The following MYO6 variants were observed in gnomAD, a reference collection of about 807,000 sequenced individuals.
MYO6 encodes the protein unconventional myosin-VI.
A neutral mutation model predicts 178.7 loss-of-function variants in MYO6; 74 were observed. The ratio of observed to expected loss-of-function variants is 0.41; its 90% confidence interval spans 0.34 to 0.50. The LOEUF (loss-of-function observed/expected upper bound fraction) is 0.50. MYO6 is among the 20% of genes least tolerant of loss of function. MYO6 has a pLI of 0.09. For synonymous variants in MYO6, 477 were observed against 504.6 expected (o/e 0.95, Z 0.73); for missense variants, 1,330 against 1,547.4 (o/e 0.86, Z 2.36).
intron 23 of MYO6, among the ~76,000 whole-genome samples, chr6:75,885,189 A>T (rs1778334271): frequency 6.6e-6 from 1 of 152,176 alleles, no homozygotes; most frequent in Non-Finnish European, 1.5e-5. Context: ...CAAAGGCAAA[A>T]TTACATCTTT....
At chr6:75,903,362 A>T (rs1779983686) in intron 30 of MYO6, among the ~76,000 whole-genome samples, 1 of 151,824 alleles carries the variant, frequency 6.6e-6, no homozygotes, top group African/African-American at 2.4e-5. Context: ...TGGGAGTCTA[A>T]GTCTCTTTGT....
At chr6:75,896,069 A>G (rs904756258) in intron 29 of MYO6, among the ~76,000 whole-genome samples, 23 of 152,284 alleles carry the variant, frequency 1.5e-4, no homozygotes, top group African/African-American at 5.5e-4. Flanking sequence ...TATAAAATAT[A>G]AAACATATTT....
chr6:75,909,716 A>C (rs1341276855), intron 32 of MYO6, among the ~76,000 whole-genome samples: 2 of 152,250 alleles, frequency 1.3e-5, no homozygotes, highest in Non-Finnish European at 2.9e-5. Context: ...ATTCTGGTTA[A>C]CATCAAGGTG....
At chr6:75,817,105 A>C (rs1404980538) in intron 1 of MYO6, among the ~76,000 whole-genome samples, 1 of 152,144 alleles carries the variant, frequency 6.6e-6, no homozygotes, top group Admixed American at 6.5e-5. Flanking sequence ...GGAGATCGAG[A>C]CCATCCTGGC....
At chr6:75,770,876 A>G (rs891508537) in intron 1 of MYO6, among the ~76,000 whole-genome samples, 1 of 152,080 alleles carries the variant, frequency 6.6e-6, no homozygotes. Flanking sequence ...TTGATGTCAC[A>G]TTGGCAATTT....
At chr6:75,881,581 C>A in intron 22 of MYO6, 108 bp from the exon 23 acceptor site, 3 of 1,126,520 alleles carry the variant, frequency 2.7e-6, no homozygotes, top group Non-Finnish European at 3.9e-6. Context: ...GACATGTGAC[C>A]ATTTTCAGAC....
At chr6:75,779,265 G>A (rs1766718943) in intron 1 of MYO6, among the ~76,000 whole-genome samples, 1 of 151,980 alleles carries the variant, frequency 6.6e-6, no homozygotes, top group Admixed American at 6.6e-5. Context: ...ACTTTGGGAC[G>A]CCGAGGTGGT....
chr6:75,861,267 T>A (rs1776195356), intron 15 of MYO6, among the ~76,000 whole-genome samples, 172 bp downstream of exon 15: 1 of 152,230 alleles, frequency 6.6e-6, no homozygotes, highest in African/African-American at 2.4e-5. Flanking sequence ...CACCAAGACT[T>A]CAAAGGTATC....
chr6:75,826,088 T>TA (rs1242131253), intron 3 of MYO6, among the ~76,000 whole-genome samples: 3 of 152,138 alleles, frequency 2.0e-5, no homozygotes, highest in African/African-American at 7.2e-5. Context: ...AGGAAGGAAT[T>TA]ATTTGGTAGA....
chr6:75,863,397 T>G (rs971771711), intron 16 of MYO6, among the ~76,000 whole-genome samples: 3 of 151,906 alleles, frequency 2.0e-5, no homozygotes, highest in African/African-American at 7.3e-5. Context: ...AATAGAGAGA[T>G]TAGGTAGAGT....
intron 1 of MYO6, among the ~76,000 whole-genome samples, chr6:75,758,333 A>G (rs934175205): frequency 1.3e-5 from 2 of 152,106 alleles, no homozygotes; most frequent in African/African-American, 4.8e-5. Context: ...GGGAAGTGAA[A>G]TATGTTACCA....
chr6:75,880,746 T>C (rs2149345255), intron 22 of MYO6, among the ~76,000 whole-genome samples: 1 of 152,354 alleles, frequency 6.6e-6, no homozygotes. Context: ...ATGTTACCTT[T>C]AATTTAATTT....
intron 1 of MYO6, among the ~76,000 whole-genome samples, chr6:75,813,000 G>A (rs1402607230): frequency 6.6e-6 from 1 of 152,106 alleles, no homozygotes; most frequent in African/African-American, 2.4e-5. Context: ...TATATTTTTA[G>A]TTTTTTAAGG....
chr6:75,777,005 C>T (rs976691329), intron 1 of MYO6, among the ~76,000 whole-genome samples: 29 of 151,974 alleles, frequency 1.9e-4, no homozygotes, highest in African/African-American at 5.6e-4. Flanking sequence ...TTTTTTTAAT[C>T]GATAGGTATT....
rs201247065 is a variant in MYO6 at position 75,901,651 on chromosome 6, A to G, written c.3176+3240A>G. 0.013 allele frequency among the ~76,000 whole-genome samples: 1,987 copies of G among 152,266 alleles called. 71 individuals are homozygous for G. In the East Asian group the frequency reaches 0.15, roughly 11 times the overall value. On this transcript the variant is annotated intron_variant, in intron 30 of 34. Coordinates refer to ENST00000369977, the MANE Select transcript of MYO6 (RefSeq NM_004999.4). ...TGAGACAATGGGGTTTTCTAGATAT[A>G]CAATCATGTCGTCTGCAAACAGGGA...
chr6:75,892,023 T>C (rs1025111229), intron 27 of MYO6, among the ~76,000 whole-genome samples: 1 of 152,182 alleles, frequency 6.6e-6, no homozygotes, highest in Non-Finnish European at 1.5e-5. Context: ...AAATGTTAAG[T>C]TTTAAAATAT....
In MYO6 at chr6:75,919,504, T is replaced by C. The variant is rs564119522; in HGVS notation, c.*4492T>C. 11 of 152,760 alleles carry C rather than the reference T, an allele frequency of 7.2e-5. No homozygotes were observed. Among genetic ancestry groups the C allele is most frequent in the African/African-American group, 2.6e-4 (11 of 41,578 alleles). The allele number at this position is 152,760 out of a possible 1,614,324, so 9.5% of individuals were successfully genotyped here. ...TCTCTAAAAATTGATGTACTGGAAA[T>C]ACAAATAAATAAATGCTCCCTGTGT... On this transcript the variant is annotated 3_prime_UTR_variant, in exon 35 of 35. Coordinates refer to ENST00000369977, the MANE Select transcript of MYO6 (RefSeq NM_004999.4).
intron 23 of MYO6, among the ~76,000 whole-genome samples, chr6:75,884,790 G>T (rs1045097682): frequency 6.6e-6 from 1 of 152,146 alleles, no homozygotes; most frequent in Non-Finnish European, 1.5e-5. Context: ...TATCTAGGTG[G>T]CATCAGCTGG....
At chr6:75,789,089 A>G (rs929081523) in intron 1 of MYO6, among the ~76,000 whole-genome samples, 6 of 152,198 alleles carry the variant, frequency 3.9e-5, no homozygotes, top group Non-Finnish European at 5.9e-5. Context: ...CTCACTTGCT[A>G]TTTAGATGTC....
Sources: allele counts gnomAD v4.1 joint callset (sites outside exome capture counted in the v4.1 genomes callset), GRCh38; gene constraint gnomAD v4.1.1; transcripts MANE v1.5; gene names NCBI Gene and HGNC (gene_info 2026-07-23, HGNC 2026-07-21).